GINS4: variants seen among roughly 807,000 people sequenced by gnomAD.
GINS4 encodes GINS complex subunit 4.
GINS4 carries 20 observed loss-of-function variants against 31.1 expected under a neutral mutation model. The ratio of observed to expected loss-of-function variants is 0.64; its 90% CI spans 0.45 to 0.93. The LOEUF (loss-of-function observed/expected upper bound fraction) is 0.93, where lower values mean the gene tolerates loss of function less well. Among genes scored for constraint, GINS4 ranks in the 40% least tolerant of loss-of-function variants. The pLI is 0.00. For synonymous variants in GINS4, 85 were observed against 97.9 expected (o/e 0.87, Z 0.78); for missense variants, 245 against 273.9 (o/e 0.89, Z 0.75).
At chr8:41,538,541 A>C (rs1019530351) in intron 4 of GINS4, among the ~76,000 whole-genome samples, 3 of 152,046 alleles carry the variant, frequency 2.0e-5, no homozygotes, top group Non-Finnish European at 4.4e-5. Flanking sequence ...TGTATGGCTT[A>C]GGTTTTGGCT....
At chr8:41,531,444 C>G (rs774441638) in intron 2 of GINS4, among the ~76,000 whole-genome samples, 5 of 152,186 alleles carry the variant, frequency 3.3e-5, no homozygotes, top group Non-Finnish European at 5.9e-5. Context: ...GCTCTAACTG[C>G]CCCTTTCCAG....
chr8:41,540,137 T>C (rs998000121), intron 6 of GINS4, 133 bp downstream of exon 6: 1 of 705,842 alleles, frequency 1.4e-6, no homozygotes, highest in Non-Finnish European at 2.4e-6. Flanking sequence ...GCAAGGATTC[T>C]AGCTAAAAAC....
chr8:41,544,300 A>G lies in GINS4; in HGVS notation c.*2213A>G, dbSNP rs544540631. The G allele has an allele frequency of 1.1e-4, 17 of 152,340 alleles. No homozygotes were observed. The highest frequency in any genetic ancestry group is 1.0e-3 in the Admixed American group (16 of 15,298). 9.4% of individuals were successfully genotyped at this position (152,340 alleles called of 1,614,324 possible). A position where few individuals can be genotyped will look rare whatever the true frequency, so the allele number is the denominator to read the frequency against. On this transcript the variant is annotated 3_prime_UTR_variant, in exon 8 of 8. Transcript: ENST00000276533. ...ATCTTACAGGACCTTGTTAATAAGG[A>G]TCCCATTTGGTCCCCCACAGTCCTG...
chr8:41,532,952 A>G (rs1348050663), intron 2 of GINS4, among the ~76,000 whole-genome samples: 2 of 152,210 alleles, frequency 1.3e-5, no homozygotes, highest in Non-Finnish European at 1.5e-5. Flanking sequence ...GAAGGTGCAC[A>G]TACCTGCGGC....
Position 41,543,166 on chromosome 8 carries a change from G to C in GINS4, c.*1079G>C, listed in dbSNP as rs1451443078. 1 of 152,182 alleles carries C rather than the reference G, an allele frequency of 6.6e-6. No individual in the cohort carries two copies. Among genetic ancestry groups the C allele is most frequent in the African/African-American group, 2.4e-5 (1 of 41,424 alleles). The allele number at this position is 152,182 out of a possible 1,614,324, so 9.4% of individuals were successfully genotyped here. On this transcript the variant is annotated 3_prime_UTR_variant, in exon 8 of 8. Coordinates refer to ENST00000276533, the MANE Select transcript of GINS4 (RefSeq NM_032336.3). ...TAACATTTTAGAACCTCTAATATTGGACTTAAAACCAATTTCTGTCGTGCT... is the reference window on the plus strand; with the variant it reads ...TAACATTTTAGAACCTCTAATATTGCACTTAAAACCAATTTCTGTCGTGCT...
At position 41,541,871 on chromosome 8, in the gene GINS4, C is replaced by G; in HGVS notation, c.547C>G (p.Leu183Val). Reference protein sequence around the residue: ...LRVRERQENILVEPDTDEQRD... With the variant: ...LRVRERQENIVVEPDTDEQRD... ...AGTGAGAGAACGACAAGAAAACATA[C>G]TGGTAGAACCAGACACAGATGAGCA... The change falls in exon 7 of 8, where the codon CTG becomes GTG. Residue 183 changes from leucine to valine, a missense_variant. Transcript: ENST00000276533. The G allele has an allele frequency of 1.9e-6, 3 of 1,614,180 alleles. No homozygotes were observed. Among genetic ancestry groups the G allele is most frequent in the Non-Finnish European group, 2.5e-6 (3 of 1,179,994 alleles).
Position 41,530,300 on chromosome 8 carries a change from T to C in GINS4, c.96+2T>C. On this transcript the variant is annotated splice_donor_variant, in intron 2 of 7. Coordinates refer to ENST00000276533, the MANE Select transcript of GINS4 (RefSeq NM_032336.3). LOFTEE classifies it high-confidence loss of function. ...GAGCTCATTGAAAGATTGGAGCAGG[T>C]AAGCATCCCAGATCGAATCCCTTTG... 6.2e-7 allele frequency: 1 copy of C among 1,605,892 alleles called. No homozygotes were observed.
chr8:41,541,835 G>C lies in GINS4; in HGVS notation c.511G>C (p.Val171Leu), dbSNP rs141719341. The C allele has an allele frequency of 8.2e-5, 132 of 1,613,904 alleles. No homozygotes were observed. The highest frequency in any genetic ancestry group is 1.1e-4 in the Non-Finnish European group (128 of 1,179,926). The change falls in exon 7 of 8, where the codon GTG becomes CTG. Residue 171 changes from valine to leucine, a missense_variant. Val to Leu is a conservative substitution (Grantham distance 32). Coordinates refer to ENST00000276533, the MANE Select transcript of GINS4 (RefSeq NM_032336.3). ...AVPKPDLDSY[V>L]FLRVRERQEN... Reference sequence around the variant, plus strand: ...TCCCAAACCAGATCTAGATTCTTACGTGTTTCTGAGAGTGAGAGAACGACA... The same window carrying C: ...TCCCAAACCAGATCTAGATTCTTACCTGTTTCTGAGAGTGAGAGAACGACA...
At chr8:41,531,099 C>T (rs1318773635) in intron 2 of GINS4, among the ~76,000 whole-genome samples, 1 of 152,140 alleles carries the variant, frequency 6.6e-6, no homozygotes, top group Non-Finnish European at 1.5e-5. Context: ...ATGGTAAAAT[C>T]CCGTCTCTAC....
rs749255895 is a variant in GINS4 at position 41,537,206 on chromosome 8, G to A, written c.210G>A (p.Arg70=). The part of the protein sequence containing the change: ...HMEENLRRAK[R]EDLKVSIHQM... ...AAGAAAATCTCAGGAGAGCCAAAAGGGAGGACCTGAAGGTCAGCATCCACC... is the reference window on the plus strand; with the variant it reads ...AAGAAAATCTCAGGAGAGCCAAAAGAGAGGACCTGAAGGTCAGCATCCACC... The change falls in exon 4 of 8, where the codon AGG becomes AGA. Residue 70 remains arginine (R), a synonymous_variant. Transcript: ENST00000276533. 53 of 1,612,914 alleles carry A rather than the reference G, an allele frequency of 3.3e-5. No homozygotes were observed. Among genetic ancestry groups the A allele is most frequent in the Non-Finnish European group, 4.5e-5 (53 of 1,179,076 alleles).
In GINS4 at chr8:41,537,164, A is replaced by G. The variant is rs1425317123; in HGVS notation, c.184-16A>G. The G allele has an allele frequency of 1.3e-6, 2 of 1,544,608 alleles. No homozygotes were observed. The highest frequency in any genetic ancestry group is 4.5e-5 in the East Asian group (2 of 44,392). On this transcript the variant is annotated splice_polypyrimidine_tract_variant and intron_variant, in intron 3 of 7. Coordinates refer to ENST00000276533, the MANE Select transcript of GINS4 (RefSeq NM_032336.3). ...AACATCATGTTTTTTATAAACCTTA[A>G]TTTCTCATTTAATAGGAAGAAAATC...
intron 1 of GINS4, chr8:41,529,691 C>T (rs1227357705): frequency 6.5e-6 from 1 of 153,024 alleles, no homozygotes; most frequent in Non-Finnish European, 1.5e-5. Flanking sequence ...ATCTTCCTGC[C>T]TCGGCTTCCC....
rs1806874617 is a variant in GINS4 at position 41,543,189 on chromosome 8, G to C, written c.*1102G>C. 1 of 152,210 alleles carries C rather than the reference G, an allele frequency of 6.6e-6. No individual in the cohort carries two copies. Among genetic ancestry groups the C allele is most frequent in the Non-Finnish European group, 1.5e-5 (1 of 68,042 alleles). The allele number at this position is 152,210 out of a possible 1,614,324, so 9.4% of individuals were successfully genotyped here. ...TGGACTTAAAACCAATTTCTGTCGT[G>C]CTTAATTGAAAATCACAACTAAACC... On this transcript the variant is annotated 3_prime_UTR_variant, in exon 8 of 8. Transcript: ENST00000276533.
chr8:41,541,347 C>G (rs1585624592), intron 6 of GINS4, among the ~76,000 whole-genome samples: 1 of 152,144 alleles, frequency 6.6e-6, no homozygotes, highest in Admixed American at 6.5e-5. Context: ...ATGCTGAGAT[C>G]ACAGGCATAA....
chr8:41,540,984 T>G (rs187520143), intron 6 of GINS4, among the ~76,000 whole-genome samples: 33 of 152,316 alleles, frequency 2.2e-4, no homozygotes, highest in African/African-American at 7.2e-4. Flanking sequence ...AAGCAGACTC[T>G]CAGGCTACTT....
rs564270803 is a variant in GINS4 at position 41,542,795 on chromosome 8, G to A, written c.*708G>A. 1.3e-5 allele frequency: 2 copies of A among 152,640 alleles called. No homozygotes were observed. The highest frequency in any genetic ancestry group is 6.5e-5 in the Admixed American group (1 of 15,342). The allele number at this position is 152,640 out of a possible 1,614,324, so 9.5% of individuals were successfully genotyped here. A position where few individuals can be genotyped will look rare whatever the true frequency, so the allele number is the denominator to read the frequency against. ...TTCCTCAGCAGTGCTGTGGGTCACG[G>A]GCGTGAAGCGGAGCTCGAGGCAGGA... On this transcript the variant is annotated 3_prime_UTR_variant, in exon 8 of 8. Coordinates refer to ENST00000276533, the MANE Select transcript of GINS4 (RefSeq NM_032336.3).
chr8:41,532,145 G>T lies in GINS4; in HGVS notation c.96+1847G>T, dbSNP rs147234615. Among the ~76,000 whole-genome samples, 1,199 of 152,304 alleles carry T rather than the reference G, an allele frequency of 7.9e-3. 11 individuals carry two copies. The highest frequency in any genetic ancestry group is 0.041 in the Middle Eastern group (12 of 294). ...ATTAGAGTGAAAAGACAGGCCACCA[G>T]GCTGGGAGAAGATATTTGCAAAATA... On this transcript the variant is annotated intron_variant, in intron 2 of 7. Coordinates refer to ENST00000276533, the MANE Select transcript of GINS4 (RefSeq NM_032336.3).
At chr8:41,536,931 G>T in intron 3 of GINS4, 1 of 447,924 alleles carries the variant, frequency 2.2e-6, no homozygotes, top group Non-Finnish European at 4.1e-6. Flanking sequence ...AGTTTCGTCT[G>T]TGTGCTGTAC....
chr8:41,535,224 G>T (rs1289824788), intron 2 of GINS4, among the ~76,000 whole-genome samples: 1 of 152,092 alleles, frequency 6.6e-6, no homozygotes, highest in African/African-American at 2.4e-5. Context: ...TGTAATTCCA[G>T]CTACTCGGAA....
Sources: gnomAD v4.1 joint callset for allele counts (sites outside exome capture counted in the v4.1 genomes callset) on GRCh38, gnomAD v4.1.1 for gene constraint, MANE v1.5 for transcripts, NCBI Gene and HGNC (gene_info 2026-07-23, HGNC 2026-07-21) for gene names.